BAHCC1: variants seen among roughly 807,000 people sequenced by gnomAD.
BAHCC1 encodes BAH and coiled-coil domain-containing protein 1.
BAHCC1 carries 43 observed loss-of-function variants against 88.2 expected under a neutral mutation model. The observed-to-expected ratio is 0.49, with a 90% CI of 0.38 to 0.63. The LOEUF (loss-of-function observed/expected upper bound fraction) is 0.63. BAHCC1 is among the 20% of genes least tolerant of loss of function. BAHCC1 has a pLI of 0.00. For missense variants in BAHCC1, 3,023 were observed against 1,654.8 expected, an observed-to-expected ratio of 1.83 and a Z score of -14.34; for synonymous variants, 1,510 against 745.5, an observed-to-expected ratio of 2.03 and a Z score of -16.71.
intron 2 of BAHCC1, among the ~76,000 whole-genome samples, chr17:81,406,381 C>T (rs550645616): frequency 1.3e-5 from 2 of 152,338 alleles, no homozygotes; most frequent in South Asian, 4.1e-4. Context: ...CCCCGCTCCC[C>T]GCCCACCTGG....
In BAHCC1 at chr17:81,438,422, G is replaced by A. The variant is rs1555652042; in HGVS notation, c.411G>A (p.Val137=). Residue 137 remains valine, a synonymous_variant, in exon 4 of 28, where the codon GTG becomes GTA. Transcript: ENST00000675386. ...SGSLASTFLP[V]SHLDHHGNSN... is the part of the protein sequence containing the mutation. The stretch of plus-strand genomic sequence containing the variant: ...GTCTGGCATCCACCTTCCTACCCGT[G>A]AGCCACTTGGATCACCATGGAAACA... 3.9e-6 allele frequency: 3 copies of A among 778,418 alleles called. No homozygotes were observed. Among genetic ancestry groups the A allele is most frequent in the Middle Eastern group, 2.3e-4 (1 of 4,438 alleles). The allele number at this position is 778,418 out of a possible 1,614,324, so 48.2% of individuals were successfully genotyped here.
At chr17:81,431,349 GCAT>G (rs869208604) in intron 3 of BAHCC1, among the ~76,000 whole-genome samples, 46,985 of 151,906 alleles carry the variant, frequency 0.31, 8,032 homozygotes, top group African/African-American at 0.45. Flanking sequence ...GAGACTTTAT[GCAT>G]AGCCTCATGT....
intron 3 of BAHCC1, among the ~76,000 whole-genome samples, chr17:81,427,889 C>A (rs985497323): frequency 3.3e-5 from 5 of 152,168 alleles, no homozygotes; most frequent in Non-Finnish European, 5.9e-5. Context: ...GCCACCGCCC[C>A]GTTCCAGGCA....
chr17:81,450,340 C>A (rs1164464891), intron 11 of BAHCC1, among the ~76,000 whole-genome samples: 1 of 152,134 alleles, frequency 6.6e-6, no homozygotes, highest in East Asian at 1.9e-4. Context: ...GGCTGGCTTC[C>A]CCTACTCAGG....
In BAHCC1 at chr17:81,451,689, C is replaced by G. The variant is rs1555655778; in HGVS notation, c.3998C>G (p.Ala1333Gly). ...TVPEEEEDVLAFNLQHLATLA... is the reference protein window; with the variant it reads ...TVPEEEEDVLGFNLQHLATLA... ...ACAGAGGAGGAAGAGGACGTGCTAG[C>G]CTTCAACCTGCAGCACCTGGCCACG... The change falls in exon 12 of 28, where the codon GCC becomes GGC. Residue 1333 changes from alanine (A) to glycine (G), a missense_variant. Coordinates refer to ENST00000675386, the MANE Select transcript of BAHCC1 (RefSeq NM_001377448.1). 1.3e-6 allele frequency: 1 copy of G among 776,956 alleles called. No homozygotes were observed. Among genetic ancestry groups the G allele is most frequent in the South Asian group, 1.3e-5 (1 of 74,526 alleles). 48.1% of individuals were successfully genotyped at this position (776,956 alleles called of 1,614,324 possible).
intron 2 of BAHCC1, among the ~76,000 whole-genome samples, chr17:81,409,419 G>A (rs1211296175): frequency 6.6e-6 from 1 of 152,250 alleles, no homozygotes; most frequent in Non-Finnish European, 1.5e-5. Context: ...GGAAGTGCGT[G>A]TGAATGGAGG....
rs73365661 is a variant in BAHCC1, at chr17:81,460,920, A to C, written c.6257A>C (p.His2086Pro). 2.6e-6 allele frequency: 2 copies of C among 768,694 alleles called. No homozygotes were observed. The highest frequency in any genetic ancestry group is 4.8e-6 in the Non-Finnish European group (2 of 417,840). The allele number at this position is 768,694 out of a possible 1,614,324, so 47.6% of individuals were successfully genotyped here. A position where few individuals can be genotyped will look rare whatever the true frequency, so the allele number is the denominator to read the frequency against. ...GAKSPTGASDHFLGRRGSPLL... is the reference protein window; with the variant it reads ...GAKSPTGASDPFLGRRGSPLL... ...AAATCCCCCACGGGGGCCTCCGACC[A>C]CTTCCTGGGCCGCCGTGGCAGCCCC... Residue 2086 changes from histidine (H) to proline (P), a missense_variant, in exon 26 of 28, where the codon CAC becomes CCC. Physicochemically the swap from His to Pro is moderately conservative, Grantham distance 77. Coordinates refer to ENST00000675386, the MANE Select transcript of BAHCC1 (RefSeq NM_001377448.1).
Position 81,436,378 on chromosome 17 carries a change from G to A in BAHCC1, c.359-1992G>A, listed in dbSNP as rs4969275. ...TCTGCCAGCTGACTGCCTGCTCCCCGCAGAGAGCGGATGGGCTGGAGGCCT... is the reference window on the plus strand; with the variant it reads ...TCTGCCAGCTGACTGCCTGCTCCCCACAGAGAGCGGATGGGCTGGAGGCCT... On this transcript the variant is annotated intron_variant, in intron 3 of 27. Transcript: ENST00000675386. 2.4e-3 allele frequency among the ~76,000 whole-genome samples: 360 copies of A among 152,248 alleles called. 2 individuals are homozygous for A. Among genetic ancestry groups the A allele is most frequent in the African/African-American group, 8.1e-3 (335 of 41,544 alleles).
At chr17:81,414,869 T>C (rs1372990723) in intron 2 of BAHCC1, among the ~76,000 whole-genome samples, 2 of 152,182 alleles carry the variant, frequency 1.3e-5, no homozygotes, top group African/African-American at 2.4e-5. Context: ...CGCTGAGAAG[T>C]CCTGTGTGTT....
chr17:81,451,980 CT>C lies in BAHCC1; in HGVS notation c.4190del (p.Leu1397ArgfsTer152). 1 of 625,878 alleles carries C rather than the reference CT, an allele frequency of 1.6e-6. No homozygotes were observed. The highest frequency in any genetic ancestry group is 2.9e-6 in the Non-Finnish European group (1 of 350,460). 38.8% of individuals were successfully genotyped at this position (625,878 alleles called of 1,614,324 possible). On this transcript the variant is annotated frameshift_variant, in exon 13 of 28. Coordinates refer to ENST00000675386, the MANE Select transcript of BAHCC1 (RefSeq NM_001377448.1). LOFTEE classifies it high-confidence loss of function. The stretch of plus-strand genomic sequence containing the variant: ...GTGCCCCCCCCACCAGGTGTGCCCC[CT>C]GAAGGCCGCCATCGACCGGCTGGAC... ...WTPKTKPVCPLKAAIDRLDTQ... is the reference protein window; with the variant it reads ...WTPKTKPVCPXKAAIDRLDTQ...
At chr17:81,417,478 A>G (rs1281939455) in intron 2 of BAHCC1, among the ~76,000 whole-genome samples, 11 of 151,338 alleles carry the variant, frequency 7.3e-5, no homozygotes, top group African/African-American at 2.7e-4. Context: ...AGTCCCCACC[A>G]TGGCTGCTCT....
intron 1 of BAHCC1, among the ~76,000 whole-genome samples, chr17:81,397,945 C>T (rs1030420674): frequency 6.6e-6 from 1 of 152,168 alleles, no homozygotes; most frequent in African/African-American, 2.4e-5. Flanking sequence ...ATTATGTTTT[C>T]GGTTATAGAT....
chr17:81,442,171 G>C lies in BAHCC1; in HGVS notation c.822G>C (p.Glu274Asp), dbSNP rs2064430199. 1.5e-6 allele frequency: 1 copy of C among 653,838 alleles called. No homozygotes were observed. The highest frequency in any genetic ancestry group is 2.8e-6 in the Non-Finnish European group (1 of 362,500). The allele number at this position is 653,838 out of a possible 1,614,324, so 40.5% of individuals were successfully genotyped here. A position where few individuals can be genotyped will look rare whatever the true frequency, so the allele number is the denominator to read the frequency against. The change falls in exon 5 of 28, where the codon GAG becomes GAC. Residue 274 changes from glutamate to aspartate, a missense_variant. Physicochemically the swap from Glu to Asp is conservative, Grantham distance 45 (BLOSUM62 2). Transcript: ENST00000675386. The stretch of plus-strand genomic sequence containing the variant: ...GCCCCGCACCCCGAGGGGCCTGCGA[G>C]GGCCGCCCCAAGCACCTCACCTCCT... ...EGGPAPRGAC[E>D]GRPKHLTSCL...
chr17:81,462,576 G>A (rs118049426), intron 26 of BAHCC1, 164 bp from the exon 27 acceptor site: 14,826 of 587,076 alleles, frequency 0.025, 252 homozygotes, highest in Non-Finnish European at 0.034. Flanking sequence ...TGGCTGCCAT[G>A]GCCTTAAGCC....
rs782775770 is a variant in BAHCC1, at chr17:81,445,519, C to T, written c.3001C>T (p.Pro1001Ser). 8.2e-6 allele frequency: 6 copies of T among 733,788 alleles called. No individual in the cohort carries two copies. In the South Asian group the frequency reaches 8.7e-5, roughly 11 times the overall value. The allele number at this position is 733,788 out of a possible 1,614,324, so 45.5% of individuals were successfully genotyped here. Residue 1001 changes from proline to serine, a missense_variant, in exon 10 of 28, where the codon CCC (proline) becomes TCC (serine). Coordinates refer to ENST00000675386, the MANE Select transcript of BAHCC1 (RefSeq NM_001377448.1). ...TTGCTGCCATCCGCCCGACCCAAAG[C>T]CCCCCGCCAGCTCCCCCACCCCACC... is the stretch of plus-strand genomic sequence containing the variant. The part of the protein sequence containing the change: ...PPCCHPPDPK[P>S]PASSPTPPPR...
At chr17:81,440,229 T>G (rs2064392579) in intron 4 of BAHCC1, among the ~76,000 whole-genome samples, 1 of 152,142 alleles carries the variant, frequency 6.6e-6, no homozygotes, top group Admixed American at 6.5e-5. Flanking sequence ...TTGACAGTGT[T>G]TGTCAGGGGC....
chr17:81,452,124 G>T lies in BAHCC1; in HGVS notation c.4316+17G>T, dbSNP rs782384207. 5 of 592,788 alleles carry T rather than the reference G, an allele frequency of 8.4e-6. No individual in the cohort carries two copies. The highest frequency in any genetic ancestry group is 3.0e-5 in the East Asian group (1 of 33,844). 36.7% of individuals were successfully genotyped at this position (592,788 alleles called of 1,614,324 possible). On this transcript the variant is annotated intron_variant, in intron 13 of 27. Transcript: ENST00000675386. ...CGACCATGAGTACGCCTGGCGTGGC[G>T]GGGGGGCCTGGGAGGGTCGCAGCAC...
chr17:81,407,058 G>A (rs1428019539), intron 2 of BAHCC1: 1 of 448,254 alleles, frequency 2.2e-6, no homozygotes. Flanking sequence ...GTCTTGAGAT[G>A]CGGGGACTCT....
chr17:81,406,923 G>A (rs1290198074), intron 2 of BAHCC1: 5 of 456,212 alleles, frequency 1.1e-5, no homozygotes, highest in Admixed American at 4.7e-5. Context: ...GTTCCCGATC[G>A]GATCAGCCAG....
Sources: gnomAD v4.1 joint callset for allele counts (sites outside exome capture counted in the v4.1 genomes callset) on GRCh38, gnomAD v4.1.1 for gene constraint, MANE v1.5 for transcripts, NCBI Gene and HGNC (gene_info 2026-07-23, HGNC 2026-07-21) for gene names.